TNFAIP6: variants seen among roughly 807,000 people sequenced by gnomAD.
The protein encoded by TNFAIP6 is TNF alpha induced protein 6.
A neutral mutation model predicts 33.7 loss-of-function variants in TNFAIP6; 36 were observed. The observed-to-expected ratio is 1.07, with a 90% confidence interval of 0.82 to 1.41. The LOEUF (loss-of-function observed/expected upper bound fraction) is 1.41, where lower values mean the gene tolerates loss of function less well. Among genes scored for constraint, TNFAIP6 ranks in the 40% most tolerant of loss-of-function variants. TNFAIP6 has a pLI of 0.00. For synonymous variants in TNFAIP6, 113 were observed against 112.8 expected (o/e 1.00, Z -0.01); for missense variants, 273 against 331.9 (o/e 0.82, Z 1.38).
intron 1 of TNFAIP6, 111 bp downstream of exon 1, chr2:151,357,871 A>G (rs181469958): frequency 2.4e-5 from 15 of 634,946 alleles, no homozygotes; most frequent in African/African-American, 3.6e-5. Flanking sequence ...TGATGTTCTC[A>G]AAGAAAATGC....
At position 151,370,098 on chromosome 2, in the gene TNFAIP6, A is replaced by T; in HGVS notation, c.473A>T (p.Asn158Ile). The T allele has an allele frequency of 6.2e-7, 1 of 1,614,130 alleles. No homozygotes were observed. Among genetic ancestry groups the T allele is most frequent in the Non-Finnish European group, 8.5e-7 (1 of 1,180,018 alleles). The stretch of plus-strand genomic sequence containing the variant: ...GGCTTCCCAAATGAGTACGAAGATA[A>T]CCAAATCTGCTACTGGCACATTAGA... ...SPGFPNEYED[N>I]QICYWHIRLK... Residue 158 changes from asparagine to isoleucine, a missense_variant, in exon 4 of 6, where the codon AAC becomes ATC. By Grantham distance (149) the Asn-to-Ile change is moderately radical. Transcript: ENST00000243347.
intron 3 of TNFAIP6, among the ~76,000 whole-genome samples, chr2:151,369,779 T>TATAAAA (rs1684780679): frequency 6.6e-6 from 1 of 152,052 alleles, no homozygotes; most frequent in Admixed American, 6.6e-5. Flanking sequence ...TGTCTCAAAA[T>TATAAAA]ATAAAAATAA....
At chr2:151,381,097 G>C (rs920425801), downstream of TNFAIP6, among the ~76,000 whole-genome samples, 1 of 152,168 alleles carries the variant, frequency 6.6e-6, no homozygotes, top group African/African-American at 2.4e-5. Context: ...AGACTGGAAG[G>C]CCTCAGAAGC....
intron 1 of TNFAIP6, among the ~76,000 whole-genome samples, chr2:151,359,271 A>G (rs1684583229): frequency 6.6e-6 from 1 of 152,184 alleles, no homozygotes; most frequent in Non-Finnish European, 1.5e-5. Context: ...TAGTTGGATT[A>G]GAAGGGATAC....
intron 1 of TNFAIP6, among the ~76,000 whole-genome samples, chr2:151,360,542 ATAT>A (rs1313392362): frequency 1.2e-4 from 19 of 152,230 alleles, no homozygotes; most frequent in Non-Finnish European, 2.5e-4. Context: ...AATTAATAAA[ATAT>A]TATTGCTTCT....
At chr2:151,367,520 A>C (rs1684734038) in intron 3 of TNFAIP6, among the ~76,000 whole-genome samples, 1 of 152,164 alleles carries the variant, frequency 6.6e-6, no homozygotes, top group South Asian at 2.1e-4. Flanking sequence ...GATAAACTTT[A>C]GGATCTCTGA....
Position 151,379,669 on chromosome 2 carries a change from T to A in TNFAIP6, c.*136T>A, listed in dbSNP as rs1030178446. On this transcript the variant is annotated 3_prime_UTR_variant, in exon 6 of 6. Transcript: ENST00000243347. The stretch of plus-strand genomic sequence containing the variant: ...AAGCAATACATAATTTAGGGAAAAT[T>A]GGAAAATATAGGAAACTTTAAACGA... The A allele has an allele frequency of 2.5e-5, 17 of 678,544 alleles. No homozygotes were observed. The highest frequency in any genetic ancestry group is 3.6e-5 in the Non-Finnish European group (17 of 467,810). 42.0% of individuals were successfully genotyped at this position (678,544 alleles called of 1,614,324 possible).
At chr2:151,364,774 C>G (rs1684683778) in intron 2 of TNFAIP6, among the ~76,000 whole-genome samples, 1 of 152,132 alleles carries the variant, frequency 6.6e-6, no homozygotes, top group Non-Finnish European at 1.5e-5. Context: ...TAACATCCGG[C>G]AAAGTTGATA....
At chr2:151,366,689 G>T (rs373828192) in intron 3 of TNFAIP6, among the ~76,000 whole-genome samples, 38 of 152,214 alleles carry the variant, frequency 2.5e-4, no homozygotes, top group African/African-American at 8.9e-4. Flanking sequence ...GATACAACGG[G>T]GAAAAGGAGA....
chr2:151,377,055 T>C (rs1234726424), intron 5 of TNFAIP6, among the ~76,000 whole-genome samples: 2 of 152,060 alleles, frequency 1.3e-5, no homozygotes, highest in Admixed American at 1.3e-4. Context: ...CCTAGGCTGG[T>C]CCTGAAGTCC....
chr2:151,371,342 A>T (rs1461000091), intron 4 of TNFAIP6, among the ~76,000 whole-genome samples: 1 of 152,186 alleles, frequency 6.6e-6, no homozygotes, highest in African/African-American at 2.4e-5. Context: ...CCCACCTAAT[A>T]ACCCATATTT....
chr2:151,357,684 C>T lies in TNFAIP6; in HGVS notation c.18C>T (p.Tyr6=), dbSNP rs768868566. ...CTGACGATATGATCATCTTAATTTA[C>T]TTATTTCTCTTGCTATGGGAAGACA... The part of the protein sequence containing the change: MIILI[Y]LFLLLWEDTQ... The change falls in exon 1 of 6, where the codon TAC becomes TAT. Residue 6 remains tyrosine, a synonymous_variant. Transcript: ENST00000243347. The T allele has an allele frequency of 5.6e-6, 9 of 1,610,480 alleles. No individual in the cohort carries two copies. Among genetic ancestry groups the T allele is most frequent in the African/African-American group, 5.3e-5 (4 of 74,852 alleles).
At chr2:151,380,707 A>G (rs1360832095), downstream of TNFAIP6, among the ~76,000 whole-genome samples, 2 of 152,176 alleles carry the variant, frequency 1.3e-5, no homozygotes, top group East Asian at 3.8e-4. Flanking sequence ...CTTCCTTATC[A>G]TGCCAGCTAA....
chr2:151,366,248 C>T (rs1055326042), intron 3 of TNFAIP6, 31 bp downstream of exon 3: 1 of 1,599,352 alleles, frequency 6.3e-7, no homozygotes, highest in Non-Finnish European at 8.6e-7. Context: ...TTATGTTTTG[C>T]AAAAACAGTT....
intron 5 of TNFAIP6, among the ~76,000 whole-genome samples, chr2:151,374,006 G>A (rs1038425294): frequency 2.0e-5 from 3 of 152,016 alleles, no homozygotes; most frequent in Non-Finnish European, 2.9e-5. Context: ...TTTTATCTTA[G>A]TACAATATTC....
At position 151,378,971 on chromosome 2, in the gene TNFAIP6, G is replaced by A. The variant is rs536634616; in HGVS notation, c.665-393G>A. 1.4e-3 allele frequency among the ~76,000 whole-genome samples: 215 copies of A among 152,064 alleles called. 1 individual carries two copies. Among genetic ancestry groups the A allele is most frequent in the African/African-American group, 4.4e-3 (182 of 41,550 alleles). Reference sequence around the variant, plus strand: ...AAAAATCTGCCAGGTGTGGTGGTGCGTGCCTTTAATCCCAGCTACTCGGGA... The same window carrying A: ...AAAAATCTGCCAGGTGTGGTGGTGCATGCCTTTAATCCCAGCTACTCGGGA... On this transcript the variant is annotated intron_variant, in intron 5 of 5. Coordinates refer to ENST00000243347, the MANE Select transcript of TNFAIP6 (RefSeq NM_007115.4).
chr2:151,366,730 T>G (rs1684717764), intron 3 of TNFAIP6, among the ~76,000 whole-genome samples: 2 of 152,198 alleles, frequency 1.3e-5, no homozygotes, highest in African/African-American at 4.8e-5. Flanking sequence ...TTTCCTTAAT[T>G]TCTTTTTGTG....
intron 1 of TNFAIP6, among the ~76,000 whole-genome samples, chr2:151,363,291 G>C (rs1315980718): frequency 1.3e-5 from 2 of 151,788 alleles, no homozygotes; most frequent in Non-Finnish European, 2.9e-5. Context: ...GGGCGACAGA[G>C]TGAGACTCCG....
chr2:151,361,314 G>A (rs1336418272), intron 1 of TNFAIP6, among the ~76,000 whole-genome samples: 1 of 152,078 alleles, frequency 6.6e-6, no homozygotes, highest in Non-Finnish European at 1.5e-5. Flanking sequence ...AACCTCAGGT[G>A]ATCCACCCGC....
Sources: gnomAD v4.1 joint callset for allele counts (sites outside exome capture counted in the v4.1 genomes callset) on GRCh38, gnomAD v4.1.1 for gene constraint, MANE v1.5 for transcripts, NCBI Gene and HGNC (gene_info 2026-07-23, HGNC 2026-07-21) for gene names.